KIAA1217: variants seen among roughly 807,000 people sequenced by gnomAD.
KIAA1217 encodes KIAA1217.
Under a neutral mutation model 163.9 loss-of-function variants are expected in KIAA1217, and 88 were observed. That is an observed-to-expected ratio of 0.54 (90% CI 0.45 to 0.64). The LOEUF (loss-of-function observed/expected upper bound fraction) is 0.64. KIAA1217 is among the 30% of genes least tolerant of loss of function. KIAA1217 has a pLI of 0.00. For synonymous variants in KIAA1217, 903 were observed against 923.1 expected (o/e 0.98, Z 0.39); for missense variants, 2,372 against 2,475.0 (o/e 0.96, Z 0.88).
intron 1 of KIAA1217, among the ~76,000 whole-genome samples, chr10:23,794,756 G>A (rs1023887864): frequency 7.2e-5 from 11 of 152,190 alleles, no homozygotes; most frequent in African/African-American, 2.4e-4. Context: ...GGGAGGCTGG[G>A]ATCTCTAAAA....
intron 2 of KIAA1217, among the ~76,000 whole-genome samples, chr10:24,047,973 C>A (rs1373091157): frequency 1.3e-5 from 2 of 152,162 alleles, no homozygotes; most frequent in Non-Finnish European, 2.9e-5. Flanking sequence ...CAATGGGTAT[C>A]ATCCATTGAT....
intron 1 of KIAA1217, among the ~76,000 whole-genome samples, chr10:24,006,808 C>CT (rs1223823367): frequency 6.6e-6 from 1 of 152,200 alleles, no homozygotes; most frequent in Non-Finnish European, 1.5e-5. Context: ...GGCATAGCCA[C>CT]TGCAGCTGCA....
At chr10:24,215,157 G>A (rs930125034) in intron 1 of KIAA1217, among the ~76,000 whole-genome samples, 1 of 152,172 alleles carries the variant, frequency 6.6e-6, no homozygotes, top group Non-Finnish European at 1.5e-5. Flanking sequence ...TGTCCCTTTA[G>A]CATTTCTGCC....
intron 17 of KIAA1217, among the ~76,000 whole-genome samples, chr10:24,538,739 T>G (rs1469856585): frequency 1.6e-5 from 2 of 125,984 alleles, no homozygotes; most frequent in South Asian, 2.6e-4. Flanking sequence ...TTGGTTTTTT[T>G]TTTTTTTTTT....
At chr10:24,501,353 A>T (rs186637362) in intron 8 of KIAA1217, 26 bp from the exon 9 acceptor site, 1 of 1,591,566 alleles carries the variant, frequency 6.3e-7, no homozygotes, top group East Asian at 2.3e-5. Flanking sequence ...TGGCCTTCTG[A>T]GTTCTCTGAT....
At chr10:24,468,647 A>G (rs1200507262) in intron 5 of KIAA1217, among the ~76,000 whole-genome samples, 3 of 152,202 alleles carry the variant, frequency 2.0e-5, no homozygotes, top group Non-Finnish European at 2.9e-5. Context: ...CAGGGAAGAC[A>G]CACAGGATTA....
intron 1 of KIAA1217, among the ~76,000 whole-genome samples, chr10:23,961,771 G>A (rs1448909320): frequency 2.6e-5 from 4 of 152,128 alleles, no homozygotes; most frequent in East Asian, 1.9e-4. Flanking sequence ...CAGTTCTAGC[G>A]GCTGGAGTAC....
intron 2 of KIAA1217, among the ~76,000 whole-genome samples, chr10:24,061,608 A>G (rs931780975): frequency 3.3e-5 from 5 of 152,174 alleles, no homozygotes; most frequent in Non-Finnish European, 5.9e-5. Flanking sequence ...TATGTCCTGA[A>G]AAGTCTTTAT....
intron 2 of KIAA1217, among the ~76,000 whole-genome samples, chr10:24,149,325 G>C (rs2064489129): frequency 1.3e-5 from 2 of 151,994 alleles, no homozygotes; most frequent in African/African-American, 4.8e-5. Context: ...GATTACAGGT[G>C]TTTGCCACCA....
At chr10:23,758,178 T>C (rs1292796491) in intron 1 of KIAA1217, among the ~76,000 whole-genome samples, 1 of 152,218 alleles carries the variant, frequency 6.6e-6, no homozygotes, top group East Asian at 1.9e-4. Flanking sequence ...CGAAGAGTTT[T>C]ACAGTTATAG....
intron 2 of KIAA1217, among the ~76,000 whole-genome samples, chr10:24,052,178 G>T (rs994215548): frequency 1.3e-5 from 2 of 152,076 alleles, no homozygotes; most frequent in African/African-American, 4.8e-5. Flanking sequence ...TTCTTTATTG[G>T]ATTTTATCTA....
intron 2 of KIAA1217, among the ~76,000 whole-genome samples, chr10:24,230,104 C>T (rs1375910410): frequency 6.6e-6 from 1 of 151,938 alleles, no homozygotes; most frequent in African/African-American, 2.4e-5. Flanking sequence ...TTTTTTTTAG[C>T]ACTGTTTTCT....
chr10:23,729,125 T>G (rs903290592), intron 1 of KIAA1217, among the ~76,000 whole-genome samples: 1 of 152,238 alleles, frequency 6.6e-6, no homozygotes, highest in African/African-American at 2.4e-5. Context: ...CATGGCTTCA[T>G]AGCTCATTTC....
intron 1 of KIAA1217, among the ~76,000 whole-genome samples, chr10:23,957,223 G>A (rs1216993852): frequency 6.6e-6 from 1 of 152,118 alleles, no homozygotes. Flanking sequence ...TGCCTGGCCA[G>A]TATCCCCACA....
chr10:23,954,783 T>C (rs771203247), intron 1 of KIAA1217, among the ~76,000 whole-genome samples: 30 of 152,138 alleles, frequency 2.0e-4, no homozygotes, highest in Admixed American at 3.9e-4. Flanking sequence ...AGTTTGCAGA[T>C]AAGAAAACTG....
At position 23,957,503 on chromosome 10, in the gene KIAA1217, C is replaced by A. The variant is rs550441499; in HGVS notation, c.-320-49722C>A. 3.3e-5 allele frequency among the ~76,000 whole-genome samples: 5 copies of A among 152,304 alleles called. No individual in the cohort carries two copies. In the South Asian group the frequency reaches 1.0e-3, roughly 32 times the overall value. ...TTGGGAGGCCAAGGCTGGCAGATCA[C>A]CTGAGGTCAAGAGTTCAAGACCAGC... On this transcript the variant is annotated intron_variant, in intron 1 of 18. Coordinates refer to the KIAA1217 transcript ENST00000376462.
rs2058796894 is a variant in KIAA1217 at position 24,422,297 on chromosome 10, A to G, written c.554-10698A>G. Among the ~76,000 whole-genome samples, 2 of 152,220 alleles carry G rather than the reference A, an allele frequency of 1.3e-5. 1 individual carries two copies. The highest frequency in any genetic ancestry group is 4.1e-4 in the South Asian group (2 of 4,832). On this transcript the variant is annotated intron_variant, in intron 3 of 20. Transcript: ENST00000376454. ...CCAAACCATATCATTCTCTCTTTCT[A>G]ATATCAAGGTTTATACTAGCCTTAT...
At chr10:23,959,969 G>T (rs188904119) in intron 1 of KIAA1217, among the ~76,000 whole-genome samples, 10 of 145,204 alleles carry the variant, frequency 6.9e-5, no homozygotes, top group Non-Finnish European at 1.2e-4. Context: ...AGGCTGGAGC[G>T]CAGTGGTGCC....
At chr10:23,722,708 A>G (rs1413780312) in intron 1 of KIAA1217, among the ~76,000 whole-genome samples, 2 of 152,206 alleles carry the variant, frequency 1.3e-5, no homozygotes, top group Admixed American at 6.5e-5. Context: ...ACTCTTACCA[A>G]TGAGGAAACT....
Sources: allele counts gnomAD v4.1 joint callset (sites outside exome capture counted in the v4.1 genomes callset), GRCh38; gene constraint gnomAD v4.1.1; transcripts MANE v1.5; gene names NCBI Gene and HGNC (gene_info 2026-07-23, HGNC 2026-07-21).